The following MGST1 variants were observed in gnomAD, a reference collection of about 807,000 sequenced individuals.
MGST1 encodes the protein microsomal glutathione S-transferase 1, also known as glutathione S-transferase 12.
A neutral mutation model predicts 8.9 loss-of-function variants in MGST1; 5 were observed. The ratio of observed to expected loss-of-function variants is 0.56; its 90% CI spans 0.29 to 1.19. The LOEUF (loss-of-function observed/expected upper bound fraction) is 1.19. MGST1 is among the 50% of genes most tolerant of loss of function. The pLI is 0.08. For synonymous variants in MGST1, 54 were observed against 67.8 expected (o/e 0.80, Z 1.00); for missense variants, 182 against 187.4 (o/e 0.97, Z 0.17).
chr12:16,577,864 C>T (rs1198262670), intron 4 of MGST1, among the ~76,000 whole-genome samples: 1 of 152,144 alleles, frequency 6.6e-6, no homozygotes, highest in Non-Finnish European at 1.5e-5. Flanking sequence ...AAATGTGTCA[C>T]CTAATTATGG....
At chr12:16,383,568 T>G (rs1328667952) in exon 1 of MGST1, 1 of 152,396 alleles carries the variant, frequency 6.6e-6, no homozygotes, top group Non-Finnish European at 1.5e-5. Flanking sequence ...TTCAAGTGAT[T>G]CTCCTGCCTC....
At chr12:16,518,892 T>C (rs1941632073) in intron 4 of MGST1, among the ~76,000 whole-genome samples, 1 of 152,364 alleles carries the variant, frequency 6.6e-6, no homozygotes, top group South Asian at 2.1e-4. Context: ...CATTATCAGC[T>C]ACACTGATAA....
intron 1 of MGST1, among the ~76,000 whole-genome samples, chr12:16,427,905 ATTAC>A (rs1178317558): frequency 3.3e-5 from 5 of 151,798 alleles, no homozygotes; most frequent in Admixed American, 6.6e-5. Flanking sequence ...ATTTTAATTT[ATTAC>A]TTCTTTTTGG....
At chr12:16,583,046 C>CAAAA (rs55665813) in intron 4 of MGST1, among the ~76,000 whole-genome samples, 3 of 126,700 alleles carry the variant, frequency 2.4e-5, no homozygotes, top group African/African-American at 3.0e-5. Context: ...GACTCCGCCT[C>CAAAA]AAAAAAAAAA....
intron 4 of MGST1, among the ~76,000 whole-genome samples, chr12:16,553,003 C>T (rs146105176): frequency 3.0e-4 from 45 of 152,150 alleles, no homozygotes; most frequent in African/African-American, 9.4e-4. Context: ...TGACATCAGT[C>T]GACTTTGTAG....
intron 4 of MGST1, among the ~76,000 whole-genome samples, chr12:16,462,228 C>T (rs1191302053): frequency 6.6e-6 from 1 of 152,090 alleles, no homozygotes; most frequent in Non-Finnish European, 1.5e-5. Context: ...GGAGCTTTTG[C>T]AAGCATTTTG....
chr12:16,452,953 GTTTTTCAGGCATTGGCCAACATATA>G (rs1279650152), intron 4 of MGST1, among the ~76,000 whole-genome samples: 3 of 151,860 alleles, frequency 2.0e-5, no homozygotes, highest in South Asian at 4.1e-4. Context: ...ATGCCAGGTT[GTTTTTCAGGCATTGGCCAACATATA>G]TTTTCTTAAA....
At chr12:16,355,758 A>G (rs1185183189) in intron 2 of MGST1, among the ~76,000 whole-genome samples, 2 of 152,230 alleles carry the variant, frequency 1.3e-5, no homozygotes, top group Non-Finnish European at 2.9e-5. Flanking sequence ...CACACTTGTT[A>G]GCATTGTCAG....
At chr12:16,475,999 G>A (rs1941320401) in intron 4 of MGST1, among the ~76,000 whole-genome samples, 1 of 152,040 alleles carries the variant, frequency 6.6e-6, no homozygotes, top group African/African-American at 2.4e-5. Context: ...GAAAGAGGAA[G>A]TAGATTAGCT....
intron 4 of MGST1, among the ~76,000 whole-genome samples, chr12:16,528,405 A>G (rs1218855876): frequency 6.6e-6 from 1 of 152,036 alleles, no homozygotes; most frequent in Non-Finnish European, 1.5e-5. Flanking sequence ...ATTGGTTCAA[A>G]TAAGTTAAAA....
chr12:16,347,137 G>C (rs4149187), upstream of MGST1: 26,187 of 152,092 alleles, frequency 0.17, 3,094 homozygotes, highest in East Asian at 0.34. This position sits in a 1 kb window ranked among gnomAD's most constrained non-coding sequence, Gnocchi z 4.0. Flanking sequence ...GAACAGGAGG[G>C]GACATCGTGA....
chr12:16,408,695 A>G (rs544263466), intron 1 of MGST1, among the ~76,000 whole-genome samples: 1 of 152,238 alleles, frequency 6.6e-6, no homozygotes, highest in South Asian at 2.1e-4. Context: ...ACTTTTAGCT[A>G]TTAATTATTG....
rs553480186 is a variant in MGST1, at chr12:16,481,611, CAGT to C, written n.482+98010_482+98012del. On this transcript the variant is annotated intron_variant and non_coding_transcript_variant, in intron 4 of 4. Coordinates refer to the MGST1 transcript ENST00000538857. ...ACACTACAGTTATTGAAATTAGAAA[CAGT>C]AGATGAGTCAAGGAGTAGATTGGAC... Among the ~76,000 whole-genome samples, 12 of 152,046 alleles carry C rather than the reference CAGT, an allele frequency of 7.9e-5. No individual in the cohort carries two copies. In the East Asian group the frequency reaches 1.9e-3, roughly 24 times the overall value.
chr12:16,383,273 C>G (rs977056941), exon 1 of MGST1: 2 of 152,472 alleles, frequency 1.3e-5, no homozygotes, highest in Non-Finnish European at 2.9e-5. Context: ...TGTTCCTATT[C>G]GGCCATCTTG....
intron 1 of MGST1, among the ~76,000 whole-genome samples, chr12:16,352,980 A>G (rs1314335553): frequency 6.6e-6 from 1 of 151,926 alleles, no homozygotes; most frequent in Non-Finnish European, 1.5e-5. Context: ...TCCATATTTT[A>G]TCTCCATTAC....
At chr12:16,417,265 C>T (rs1213629021) in intron 1 of MGST1, among the ~76,000 whole-genome samples, 1 of 152,022 alleles carries the variant, frequency 6.6e-6, no homozygotes, top group African/African-American at 2.4e-5. Flanking sequence ...GAGGGAAGTG[C>T]AAGCAGGAAA....
chr12:16,390,932 A>G (rs1021354568), intron 1 of MGST1, among the ~76,000 whole-genome samples: 1 of 152,038 alleles, frequency 6.6e-6, no homozygotes, highest in African/African-American at 2.4e-5. Flanking sequence ...CCAAGAGTGC[A>G]TAAGTGTTCG....
chr12:16,500,792 C>T lies in MGST1; in HGVS notation n.483-88736C>T, dbSNP rs746991752. Among the ~76,000 whole-genome samples, 11 of 152,108 alleles carry T rather than the reference C, an allele frequency of 7.2e-5. No homozygotes were observed. The highest frequency in any genetic ancestry group is 2.1e-4 in the South Asian group (1 of 4,818). ...GAGAAAAATCAGTGCATCTATTTAT[C>T]GTTCTTTTTGTTCAATGAAAATGTA... On this transcript the variant is annotated intron_variant and non_coding_transcript_variant, in intron 4 of 4. Transcript: ENST00000538857. The surrounding 1 kb of genome is among the most constrained non-coding windows in gnomAD (Gnocchi z 4.3).
chr12:16,590,199 C>T (rs978773133), downstream of MGST1, among the ~76,000 whole-genome samples: 3 of 151,968 alleles, frequency 2.0e-5, no homozygotes, highest in Admixed American at 1.3e-4. Context: ...TAACTTTTGG[C>T]TTTGAGGATT....
Sources: gnomAD v4.1 joint callset for allele counts (sites outside exome capture counted in the v4.1 genomes callset) on GRCh38, gnomAD v4.1.1 for gene constraint, Gnocchi (gnomAD v3.1) non-coding constraint, MANE v1.5 for transcripts, NCBI Gene and HGNC (gene_info 2026-07-23, HGNC 2026-07-21) for gene names.